PRUNE2: variants seen among roughly 807,000 people sequenced by gnomAD.
PRUNE2 encodes the protein protein prune homolog 2.
A neutral mutation model predicts 252.0 loss-of-function variants in PRUNE2; 164 were observed. That is an observed-to-expected ratio of 0.65 (90% CI 0.57 to 0.74). The LOEUF is 0.74. Among genes scored for constraint, PRUNE2 ranks in the 30% least tolerant of loss-of-function variants. The pLI is 0.00. For synonymous variants in PRUNE2, 1,292 were observed against 1,350.2 expected (o/e 0.96, Z 0.94); for missense variants, 3,495 against 3,711.0 (o/e 0.94, Z 1.51).
chr9:76,702,676 T>A (rs1279418953), intron 9 of PRUNE2, among the ~76,000 whole-genome samples: 4 of 152,212 alleles, frequency 2.6e-5, no homozygotes, highest in Non-Finnish European at 4.4e-5. Context: ...AATTAGGGAA[T>A]GAATGTGTTA....
intron 4 of PRUNE2, among the ~76,000 whole-genome samples, chr9:76,846,120 C>A (rs1215883446): frequency 1.3e-5 from 2 of 152,126 alleles, no homozygotes; most frequent in Non-Finnish European, 2.9e-5. Flanking sequence ...ATGGTATAAA[C>A]CAAGCATGGA....
At chr9:76,737,142 G>A (rs560014501) in intron 6 of PRUNE2, 1 of 152,286 alleles carries the variant, frequency 6.6e-6, no homozygotes, top group Admixed American at 6.5e-5. Flanking sequence ...GTGCTCAATT[G>A]TAGCCTTGCT....
Position 76,810,389 on chromosome 9 carries a change from T to C in PRUNE2, c.756+13243A>G, listed in dbSNP as rs142586884. Among the ~76,000 whole-genome samples the C allele has an allele frequency of 9.3e-3, 1,414 of 152,324 alleles. 18 individuals carry two copies. The highest frequency in any genetic ancestry group is 0.032 in the African/African-American group (1,343 of 41,560). On this transcript the variant is annotated intron_variant, in intron 6 of 18. Coordinates refer to ENST00000376718, the MANE Select transcript of PRUNE2 (RefSeq NM_015225.3). ...TGAGTGTTGGCTACTATTATGTTCA[T>C]TTGCTAAAATTCAAATTATTCAAGG...
At position 76,639,177 on chromosome 9, in the gene PRUNE2, T is replaced by A. The variant is rs74304745; in HGVS notation, c.8729-889A>T. Among the ~76,000 whole-genome samples the A allele has an allele frequency of 8.5e-3, 1,286 of 152,094 alleles. 36 individuals carry two copies. Among genetic ancestry groups the A allele is most frequent in the South Asian group, 0.076 (366 of 4,802 alleles). On this transcript the variant is annotated intron_variant, in intron 12 of 18. Transcript: ENST00000376718. ...ATCTTACTAAACTGCTTTTCAAGAG[T>A]TAATTAACTCCATCCAAATCTATAT...
chr9:76,810,600 C>T (rs990970684), intron 6 of PRUNE2, among the ~76,000 whole-genome samples: 3 of 152,230 alleles, frequency 2.0e-5, no homozygotes, highest in Non-Finnish European at 4.4e-5. Context: ...GCACAGCCAT[C>T]CTTAGCAATC....
intron 6 of PRUNE2, among the ~76,000 whole-genome samples, chr9:76,811,103 T>G (rs1270911858): frequency 6.6e-6 from 1 of 152,184 alleles, no homozygotes; most frequent in African/African-American, 2.4e-5. Context: ...ACTAGGCAGC[T>G]AAAACTGGTC....
intron 9 of PRUNE2, among the ~76,000 whole-genome samples, chr9:76,666,636 T>C (rs375963333): frequency 6.6e-6 from 1 of 152,160 alleles, no homozygotes; most frequent in South Asian, 2.1e-4. Flanking sequence ...CTCACACTCC[T>C]TATCCTGCCC....
chr9:76,735,845 G>C (rs934530414), intron 6 of PRUNE2, among the ~76,000 whole-genome samples: 31 of 152,228 alleles, frequency 2.0e-4, no homozygotes, highest in African/African-American at 7.5e-4. Context: ...AGCTCAAAAA[G>C]CTTCAAAAAT....
intron 6 of PRUNE2, among the ~76,000 whole-genome samples, chr9:76,795,220 C>T (rs999873872): frequency 3.9e-5 from 6 of 151,902 alleles, no homozygotes; most frequent in South Asian, 2.1e-4. Context: ...ATCAGTATCT[C>T]GGGCACACAT....
At position 76,638,210 on chromosome 9, in the gene PRUNE2, T is replaced by C. The variant is rs766785631; in HGVS notation, c.8807A>G (p.His2936Arg). 1.2e-6 allele frequency: 2 copies of C among 1,613,348 alleles called. No individual in the cohort carries two copies. Among genetic ancestry groups the C allele is most frequent in the South Asian group, 2.2e-5 (2 of 91,068 alleles). The change falls in exon 13 of 19, where the codon CAC becomes CGC. Residue 2936 changes from histidine (H) to arginine (R), a missense_variant. His to Arg is a conservative substitution (Grantham distance 29). Transcript: ENST00000376718. Reference sequence around the variant, plus strand: ...CAGGAAAAGATTTTCCATGACATAGTGGTAATCCGCCCGACTGCTGTCTGG... The same window carrying C: ...CAGGAAAAGATTTTCCATGACATAGCGGTAATCCGCCCGACTGCTGTCTGG... ...FLPDSSRADY[H>R]YVMENLFLYV...
In PRUNE2 at chr9:76,637,438, G is replaced by C. The variant is rs1840652555; in HGVS notation, c.8943C>G (p.Cys2981Trp). ...RMPGLGWMKK[C>W]YQMIDRRLRK... is the part of the protein sequence containing the mutation. ...CATACCGTCTGTCAATCATCTGGTA[G>C]CATTTCTTCATCCAGCCTAGCCCTG... Residue 2981 changes from cysteine (C) to tryptophan (W), a missense_variant, in exon 14 of 19, where the codon TGC becomes TGG. By Grantham distance (215) the Cys-to-Trp change is radical. Coordinates refer to ENST00000376718, the MANE Select transcript of PRUNE2 (RefSeq NM_015225.3). 1 of 1,613,592 alleles carries C rather than the reference G, an allele frequency of 6.2e-7. No individual in the cohort carries two copies. The highest frequency in any genetic ancestry group is 2.2e-5 in the East Asian group (1 of 44,848).
intron 6 of PRUNE2, among the ~76,000 whole-genome samples, chr9:76,816,570 ACAAT>A (rs1564365294): frequency 1.3e-5 from 2 of 152,206 alleles, no homozygotes; most frequent in South Asian, 2.1e-4. Flanking sequence ...TTAAATCCAC[ACAAT>A]CAAAGTTACC....
rs759403762 is a variant in PRUNE2 at position 76,708,184 on chromosome 9, C to T, written c.4090G>A (p.Glu1364Lys). The T allele has an allele frequency of 1.2e-6, 2 of 1,613,998 alleles. No individual in the cohort carries two copies. Among genetic ancestry groups the T allele is most frequent in the Non-Finnish European group, 1.7e-6 (2 of 1,179,886 alleles). ...TCAGATGCAACCAGAGAAGACAGTT[C>T]CTGGTCACTCTGCCCTTTTTCAGAA... ...GISEKGQSDQ[E>K]LSSLVASEHQ... Residue 1364 changes from glutamate (E) to lysine (K), a missense_variant, in exon 8 of 19, where the codon GAA becomes AAA. Glu to Lys is a moderately conservative substitution (Grantham distance 56). Transcript: ENST00000376718.
At chr9:76,874,582 A>G (rs2061382075) in intron 1 of PRUNE2, among the ~76,000 whole-genome samples, 2 of 152,218 alleles carry the variant, frequency 1.3e-5, no homozygotes, top group Non-Finnish European at 2.9e-5. Flanking sequence ...TCTAATAGGA[A>G]AAAGACAGTG....
intron 6 of PRUNE2, among the ~76,000 whole-genome samples, chr9:76,820,285 G>A (rs1425788137): frequency 6.6e-6 from 1 of 152,136 alleles, no homozygotes; most frequent in Non-Finnish European, 1.5e-5. Context: ...TGCTTTTTAT[G>A]TATTTCATTC....
chr9:76,621,492 T>C (rs1832306796), intron 17 of PRUNE2, among the ~76,000 whole-genome samples: 1 of 152,162 alleles, frequency 6.6e-6, no homozygotes, highest in African/African-American at 2.4e-5. Flanking sequence ...ATCAAAAAGG[T>C]AGGATCAAAA....
intron 9 of PRUNE2, among the ~76,000 whole-genome samples, chr9:76,696,598 G>C (rs1181952611): frequency 6.6e-6 from 1 of 152,150 alleles, no homozygotes; most frequent in Non-Finnish European, 1.5e-5. Flanking sequence ...GCTAATTTTT[G>C]TATTTTTAGT....
intron 6 of PRUNE2, among the ~76,000 whole-genome samples, chr9:76,765,656 G>A (rs2052279416): frequency 6.6e-6 from 1 of 152,096 alleles, no homozygotes; most frequent in African/African-American, 2.4e-5. Context: ...ATCCATCCAT[G>A]GGGTTTGAGC....
At chr9:76,724,000 G>A (rs1037463734) in intron 6 of PRUNE2, among the ~76,000 whole-genome samples, 1 of 150,776 alleles carries the variant, frequency 6.6e-6, no homozygotes, top group Non-Finnish European at 1.5e-5. Flanking sequence ...GTAGAGATGA[G>A]GTTTCACCAT....
Sources: gnomAD v4.1 joint callset for allele counts (sites outside exome capture counted in the v4.1 genomes callset) on GRCh38, gnomAD v4.1.1 for gene constraint, MANE v1.5 for transcripts, NCBI Gene and HGNC (gene_info 2026-07-23, HGNC 2026-07-21) for gene names.